VRK2: variants seen among roughly 807,000 people sequenced by gnomAD.
VRK2 encodes the protein VRK serine/threonine kinase 2.
VRK2 carries 60 observed loss-of-function variants against 57.6 expected under a neutral mutation model. That is an observed-to-expected ratio of 1.04 (90% CI 0.85 to 1.29). The LOEUF is 1.29. Ranked by LOEUF, VRK2 falls within the 50% of genes most tolerant of loss-of-function variation. The pLI is 0.00. For missense variants in VRK2, 705 were observed against 588.1 expected, an observed-to-expected ratio of 1.20 and a Z score of -2.06; for synonymous variants, 231 against 199.2, an observed-to-expected ratio of 1.16 and a Z score of -1.35.
chr2:57,972,514 G>T (rs1249518196), intron 1 of VRK2, among the ~76,000 whole-genome samples: 2 of 151,772 alleles, frequency 1.3e-5, no homozygotes, highest in South Asian at 2.1e-4. Flanking sequence ...AACCCATTAA[G>T]AAAGTTTAGC....
At chr2:58,105,657 T>A (rs1397524697) in intron 7 of VRK2, among the ~76,000 whole-genome samples, 1 of 151,390 alleles carries the variant, frequency 6.6e-6, no homozygotes, top group African/African-American at 2.4e-5. Flanking sequence ...TTTCAGTTAG[T>A]GTGGGAAAAT....
intron 7 of VRK2, among the ~76,000 whole-genome samples, chr2:58,107,823 A>C (rs1180268806): frequency 6.6e-6 from 1 of 152,010 alleles, no homozygotes; most frequent in Non-Finnish European, 1.5e-5. Flanking sequence ...GCCAGCTCCA[A>C]ATGTTTTTCT....
chr2:58,086,313 T>G, intron 4 of VRK2, 26 bp from the exon 5 acceptor site: 1 of 1,566,778 alleles, frequency 6.4e-7, no homozygotes, highest in Non-Finnish European at 8.7e-7. Flanking sequence ...ACATGAATCT[T>G]TTTAAAAATA....
Position 58,013,822 on chromosome 2 carries a change from G to T in VRK2, c.-438-11843G>T, listed in dbSNP as rs141739254. Among the ~76,000 whole-genome samples, 929 of 125,576 alleles carry T rather than the reference G, an allele frequency of 7.4e-3. 11 individuals are homozygous for T. Among genetic ancestry groups the T allele is most frequent in the Middle Eastern group, 0.031 (5 of 162 alleles). The allele number at this position is 125,576 out of a possible 152,430, so 82.4% of individuals were successfully genotyped here. A position where few individuals can be genotyped will look rare whatever the true frequency, so the allele number is the denominator to read the frequency against. On this transcript the variant is annotated intron_variant, in intron 1 of 15. Transcript: ENST00000417641. ...TGCAGTGAGCGGAGATCGCGCCACA[G>T]CACTCCCTCCTGGGCGACAGAACGA...
intron 2 of VRK2, among the ~76,000 whole-genome samples, chr2:58,059,007 A>G (rs1676945572): frequency 6.6e-6 from 1 of 152,072 alleles, no homozygotes; most frequent in South Asian, 2.1e-4. Context: ...AACTGATAGT[A>G]TTGGCAGCTA....
At chr2:58,108,019 C>T (rs914229256) in intron 7 of VRK2, among the ~76,000 whole-genome samples, 3 of 152,130 alleles carry the variant, frequency 2.0e-5, no homozygotes, top group African/African-American at 7.2e-5. Flanking sequence ...TCAACTTTTA[C>T]TCTGTCACTC....
chr2:57,956,312 A>T (rs1180938616), intron 1 of VRK2, among the ~76,000 whole-genome samples: 1 of 152,130 alleles, frequency 6.6e-6, no homozygotes, highest in African/African-American at 2.4e-5. Flanking sequence ...TTGAGCCCAG[A>T]AGTTAGAGGC....
At chr2:57,981,302 G>C (rs1235041907) in intron 1 of VRK2, among the ~76,000 whole-genome samples, 1 of 152,106 alleles carries the variant, frequency 6.6e-6, no homozygotes, top group Non-Finnish European at 1.5e-5. Flanking sequence ...ATGAAGCTTA[G>C]TTTGGCCAGA....
At chr2:57,952,371 T>C (rs2103979400) in intron 1 of VRK2, among the ~76,000 whole-genome samples, 1 of 152,218 alleles carries the variant, frequency 6.6e-6, no homozygotes, top group Non-Finnish European at 1.5e-5. Context: ...ATCTTCCATA[T>C]TTTTAGAGAT....
At chr2:58,046,709 G>A (rs1674791644), upstream of VRK2, 2 of 985,584 alleles carry the variant, frequency 2.0e-6, no homozygotes, top group Non-Finnish European at 2.4e-6. Flanking sequence ...GCACTGCGAG[G>A]CCGACGCAGC....
At chr2:58,155,729 C>A (rs1295262991) in intron 12 of VRK2, among the ~76,000 whole-genome samples, 2 of 150,224 alleles carry the variant, frequency 1.3e-5, no homozygotes, top group Admixed American at 1.3e-4. Context: ...CTTCACCCCA[C>A]CCTTGCCACC....
At chr2:57,955,683 A>G (rs1490596690) in intron 1 of VRK2, among the ~76,000 whole-genome samples, 1 of 152,184 alleles carries the variant, frequency 6.6e-6, no homozygotes, top group African/African-American at 2.4e-5. Flanking sequence ...AGGTGCAGCA[A>G]ACCACCACCA....
chr2:57,947,325 G>A (rs1671292892), intron 1 of VRK2, among the ~76,000 whole-genome samples: 1 of 152,138 alleles, frequency 6.6e-6, no homozygotes. Flanking sequence ...GTATTAGTAT[G>A]TAATATGTTG....
intron 1 of VRK2, among the ~76,000 whole-genome samples, chr2:57,944,722 C>G (rs1056187992): frequency 5.3e-5 from 8 of 149,826 alleles, no homozygotes; most frequent in Middle Eastern, 3.4e-3. Context: ...GGCAACAGAG[C>G]GAGACTCTGT....
intron 1 of VRK2, among the ~76,000 whole-genome samples, chr2:58,023,764 A>G (rs998356729): frequency 6.6e-6 from 1 of 152,104 alleles, no homozygotes; most frequent in Admixed American, 6.5e-5. Flanking sequence ...GGCCTTTAAG[A>G]TATGTATGAA....
At chr2:58,045,788 A>T (rs1257880090), upstream of VRK2, among the ~76,000 whole-genome samples, 2 of 152,182 alleles carry the variant, frequency 1.3e-5, no homozygotes, top group Non-Finnish European at 2.9e-5. Context: ...ACGTATTAAT[A>T]ATCTTTGTCT....
At chr2:58,128,338 AT>A (rs1030763941) in intron 8 of VRK2, among the ~76,000 whole-genome samples, 4 of 151,096 alleles carry the variant, frequency 2.6e-5, no homozygotes, top group Admixed American at 2.6e-4. Context: ...AGTAATTATT[AT>A]TTTTTTTTCT....
intron 7 of VRK2, among the ~76,000 whole-genome samples, chr2:58,121,323 C>A (rs974628687): frequency 1.3e-5 from 2 of 152,066 alleles, no homozygotes; most frequent in African/African-American, 4.8e-5. Flanking sequence ...AATACAATTC[C>A]ATTTGTGTAA....
chr2:58,084,435 T>A (rs532657548), intron 3 of VRK2, among the ~76,000 whole-genome samples: 1 of 150,476 alleles, frequency 6.6e-6, no homozygotes, highest in Non-Finnish European at 1.5e-5. Flanking sequence ...AAGCATAGGG[T>A]TTTATTTCTT....
Sources: gnomAD v4.1 joint callset for allele counts (sites outside exome capture counted in the v4.1 genomes callset) on GRCh38, gnomAD v4.1.1 for gene constraint, MANE v1.5 for transcripts, NCBI Gene and HGNC (gene_info 2026-07-23, HGNC 2026-07-21) for gene names.